The following CACNA1A variants were observed in gnomAD, a reference collection of about 807,000 sequenced individuals.
CACNA1A encodes the protein voltage-dependent P/Q-type calcium channel subunit alpha-1A.
A neutral mutation model predicts 262.4 loss-of-function variants in CACNA1A; 57 were observed. That is an observed-to-expected ratio of 0.22 (90% CI 0.18 to 0.27). The LOEUF is 0.27. Among genes scored for constraint, CACNA1A ranks in the 10% least tolerant of loss-of-function variants. The pLI is 1.00. For synonymous variants in CACNA1A, 1,431 were observed against 1,419.3 expected (o/e 1.01, Z -0.18); for missense variants, 2,526 against 3,562.8 (o/e 0.71, Z 7.41).
At chr19:13,227,405 G>A (rs779434325) in intron 37 of CACNA1A, 26 bp downstream of exon 37, 29 of 1,286,928 alleles carry the variant, frequency 2.3e-5, no homozygotes, top group South Asian at 5.6e-5. Context: ...GTGCCTGGAC[G>A]TCGGTGGTCG....
At chr19:13,458,633 C>T (rs1480162243) in intron 1 of CACNA1A, among the ~76,000 whole-genome samples, 1 of 152,182 alleles carries the variant, frequency 6.6e-6, no homozygotes, top group Non-Finnish European at 1.5e-5. Context: ...CATAGGTAAA[C>T]TCCTCCCTGC....
intron 5 of CACNA1A, among the ~76,000 whole-genome samples, chr19:13,360,501 G>A (rs1289909677): frequency 6.5e-5 from 9 of 137,890 alleles, no homozygotes; most frequent in East Asian, 2.0e-4. Context: ...TTTTTGAGAC[G>A]GAGTCTCATT....
rs1470852416 is a variant in CACNA1A, at chr19:13,212,705, G to A, written c.5976C>T (p.Pro1992=). The A allele has an allele frequency of 6.6e-7, 1 of 1,509,482 alleles. No individual in the cohort carries two copies. Among genetic ancestry groups the A allele is most frequent in the East Asian group, 2.3e-5 (1 of 43,706 alleles). The allele number at this position is 1,509,482 out of a possible 1,614,324, so 93.5% of individuals were successfully genotyped here. The stretch of plus-strand genomic sequence containing the variant: ...GTCCCCCTTCCTGCGTTGGGGACGG[G>A]GGCTCCATGCGCTGGAACATGAGGG... ...RTPLMFQRME[P]PSPTQEGGPG... The change falls in exon 41 of 47, where the codon CCC becomes CCT. Residue 1992 remains proline (P), a synonymous_variant. Coordinates refer to ENST00000360228, the MANE Select transcript of CACNA1A (RefSeq NM_001127222.2). This position sits in a 1 kb window ranked among gnomAD's most constrained non-coding sequence, Gnocchi z 5.6.
At chr19:13,505,273 C>A (rs1982883608) in intron 1 of CACNA1A, among the ~76,000 whole-genome samples, 1 of 152,172 alleles carries the variant, frequency 6.6e-6, no homozygotes, top group Non-Finnish European at 1.5e-5. Context: ...ATAAGCGCCC[C>A]CCAGCCCATC....
chr19:13,392,747 CCTTT>C (rs1006269127), intron 3 of CACNA1A, among the ~76,000 whole-genome samples: 2 of 151,982 alleles, frequency 1.3e-5, no homozygotes, highest in Non-Finnish European at 2.9e-5. Flanking sequence ...TTCCTTCCTT[CCTTT>C]CTTCTTTTTG....
chr19:13,368,067 C>T (rs1266234816), intron 4 of CACNA1A, among the ~76,000 whole-genome samples: 1 of 152,148 alleles, frequency 6.6e-6, no homozygotes, highest in African/African-American at 2.4e-5. Context: ...GTAATCCCAG[C>T]ACTTTGGGAG....
At chr19:13,224,801 A>G in intron 37 of CACNA1A, 29 bp from the exon 38 acceptor site, 1 of 1,534,648 alleles carries the variant, frequency 6.5e-7, no homozygotes. Context: ...AAGCGCAGTC[A>G]TTCCCAGGCA....
intron 22 of CACNA1A, among the ~76,000 whole-genome samples, chr19:13,278,974 G>A (rs1022434188): frequency 1.3e-5 from 2 of 152,100 alleles, no homozygotes; most frequent in Admixed American, 6.6e-5. Flanking sequence ...GGTGCACGAG[G>A]CAGTGGGCAC....
intron 4 of CACNA1A, 47 bp from the exon 5 acceptor site, chr19:13,365,516 C>T: frequency 6.4e-7 from 1 of 1,571,466 alleles, no homozygotes; most frequent in East Asian, 2.3e-5. Context: ...AGCAAGTACC[C>T]CCAAACCCCG....
At chr19:13,480,153 T>C (rs995017759) in intron 1 of CACNA1A, among the ~76,000 whole-genome samples, 4 of 152,242 alleles carry the variant, frequency 2.6e-5, no homozygotes, top group Non-Finnish European at 4.4e-5. Context: ...GTTTGAATTT[T>C]ATGGGTCCAC....
chr19:13,304,279 T>G (rs1332459742), intron 15 of CACNA1A, among the ~76,000 whole-genome samples: 1 of 151,926 alleles, frequency 6.6e-6, no homozygotes, highest in Non-Finnish European at 1.5e-5. Context: ...CTTTAAGAGG[T>G]AACTAGGGTT....
chr19:13,209,051 A>AG, intron 45 of CACNA1A, 42 bp from the exon 46 acceptor site: 6 of 1,536,256 alleles, frequency 3.9e-6, no homozygotes, highest in Non-Finnish European at 5.2e-6. Flanking sequence ...GGTGGTCGTG[A>AG]GGGAGAGGTG....
chr19:13,429,490 C>T (rs910854068), intron 3 of CACNA1A, among the ~76,000 whole-genome samples: 1 of 148,684 alleles, frequency 6.7e-6, no homozygotes, highest in Non-Finnish European at 1.5e-5. Context: ...GTGTGCCCCC[C>T]TCACTGTGCC....
chr19:13,326,660 A>T (rs2058368638), intron 10 of CACNA1A, among the ~76,000 whole-genome samples: 1 of 151,208 alleles, frequency 6.6e-6, no homozygotes, highest in Non-Finnish European at 1.5e-5. Flanking sequence ...GTAGCAGTGT[A>T]CACCTATAGT....
chr19:13,396,542 G>A (rs1365644001), intron 3 of CACNA1A, among the ~76,000 whole-genome samples: 2 of 152,212 alleles, frequency 1.3e-5, no homozygotes, highest in African/African-American at 4.8e-5. Context: ...TGTGGCTAAT[G>A]AGCATTTGAA....
chr19:13,421,313 C>T lies in CACNA1A; in HGVS notation c.539+31563G>A, dbSNP rs118091810. On this transcript the variant is annotated intron_variant, in intron 3 of 46. Coordinates refer to ENST00000360228, the MANE Select transcript of CACNA1A (RefSeq NM_001127222.2). ...CTCTTAGTATGGCAGCATACCTTTGCTACATAATATAATAAATATTAATTA... is the reference window on the plus strand; with the variant it reads ...CTCTTAGTATGGCAGCATACCTTTGTTACATAATATAATAAATATTAATTA... 7.1e-4 allele frequency among the ~76,000 whole-genome samples: 108 copies of T among 152,044 alleles called. 1 individual carries two copies. The East Asian group carries it at 0.02, about 28-fold the overall frequency.
intron 11 of CACNA1A, among the ~76,000 whole-genome samples, chr19:13,315,033 C>T (rs1386687455): frequency 6.6e-6 from 1 of 152,048 alleles, no homozygotes; most frequent in Non-Finnish European, 1.5e-5. Flanking sequence ...GAAAGAATTA[C>T]TTATCCTTAG....
intron 3 of CACNA1A, among the ~76,000 whole-genome samples, chr19:13,399,458 A>T (rs193119779): frequency 2.5e-4 from 38 of 151,980 alleles, no homozygotes; most frequent in African/African-American, 9.2e-4. Context: ...CCCAGAAGAG[A>T]TGTAGGGCTT....
At chr19:13,448,906 A>G (rs2060864737) in intron 3 of CACNA1A, among the ~76,000 whole-genome samples, 1 of 152,174 alleles carries the variant, frequency 6.6e-6, no homozygotes, top group African/African-American at 2.4e-5. Context: ...AGAAATGTGA[A>G]GTTTGAAAAA....
Sources: gnomAD v4.1 joint callset for allele counts (sites outside exome capture counted in the v4.1 genomes callset) on GRCh38, gnomAD v4.1.1 for gene constraint, Gnocchi (gnomAD v3.1) non-coding constraint, MANE v1.5 for transcripts, NCBI Gene and HGNC (gene_info 2026-07-23, HGNC 2026-07-21) for gene names.